Variants in CSMD1 observed in about 807,000 individuals in gnomAD.
The protein encoded by CSMD1 is CUB and sushi domain-containing protein 1.
CSMD1 carries 213 observed loss-of-function variants against 417.5 expected under a neutral mutation model. That is an observed-to-expected ratio of 0.51 (90% confidence interval 0.46 to 0.57). The LOEUF is 0.57. Ranked by LOEUF, CSMD1 falls within the 20% of genes least tolerant of loss-of-function variation. CSMD1 has a pLI of 0.00. For missense variants in CSMD1, 6,923 were observed against 4,529.7 expected (o/e 1.53, Z -15.17); for synonymous variants, 2,862 against 1,736.8 (o/e 1.65, Z -16.11).
chr8:3,741,237 A>C (rs1483103880), intron 6 of CSMD1, among the ~76,000 whole-genome samples: 1 of 150,772 alleles, frequency 6.6e-6, no homozygotes, highest in African/African-American at 2.4e-5. Context: ...AAAAAAAAAA[A>C]AAAACATACA....
At chr8:3,595,105 T>C (rs557204917) in intron 8 of CSMD1, among the ~76,000 whole-genome samples, 1 of 152,296 alleles carries the variant, frequency 6.6e-6, no homozygotes, top group East Asian at 1.9e-4. Context: ...CCGATTGTCC[T>C]ATAAGGGAGT....
intron 65 of CSMD1, among the ~76,000 whole-genome samples, chr8:2,951,791 C>G: frequency 6.6e-6 from 1 of 152,170 alleles, no homozygotes; most frequent in East Asian, 1.9e-4. Flanking sequence ...AGACAAAGCC[C>G]TTTCACTTCA....
At position 4,108,980 on chromosome 8, in the gene CSMD1, C is replaced by T. The variant is rs11787009; in HGVS notation, c.416-76881G>A. 9.9e-3 allele frequency among the ~76,000 whole-genome samples: 1,512 copies of T among 152,178 alleles called. 13 individuals carry two copies. The highest frequency in any genetic ancestry group is 0.031 in the Middle Eastern group (9 of 294). Reference sequence around the variant, plus strand: ...TATAATTTAGAAACTACAGTTTTTCCGAATTATCTGGAAAGGATTGGTTTC... The same window carrying T: ...TATAATTTAGAAACTACAGTTTTTCTGAATTATCTGGAAAGGATTGGTTTC... On this transcript the variant is annotated intron_variant, in intron 3 of 69. Coordinates refer to ENST00000635120, the MANE Select transcript of CSMD1 (RefSeq NM_033225.6).
intron 6 of CSMD1, among the ~76,000 whole-genome samples, chr8:3,732,153 G>A (rs1306436707): frequency 3.9e-5 from 6 of 152,216 alleles, no homozygotes; most frequent in Non-Finnish European, 8.8e-5. Flanking sequence ...GGCAAGCCCT[G>A]AGTTCAGGTC....
chr8:4,392,178 G>A (rs755298508), intron 3 of CSMD1, among the ~76,000 whole-genome samples: 2 of 152,180 alleles, frequency 1.3e-5, no homozygotes, highest in Non-Finnish European at 2.9e-5. Context: ...TTGTTTCAAC[G>A]TGCTAAGTCT....
chr8:4,214,946 G>A (rs1800546197), intron 3 of CSMD1, among the ~76,000 whole-genome samples: 2 of 152,018 alleles, frequency 1.3e-5, no homozygotes, highest in African/African-American at 4.8e-5. Context: ...GAGCACAAAC[G>A]AAGCTCACTT....
chr8:3,617,393 G>C (rs1159339274), intron 7 of CSMD1, among the ~76,000 whole-genome samples: 1 of 152,122 alleles, frequency 6.6e-6, no homozygotes, highest in Non-Finnish European at 1.5e-5. Context: ...GAACTCATTT[G>C]TTTATTGGAT....
At chr8:4,436,689 C>T (rs915929982) in intron 2 of CSMD1, among the ~76,000 whole-genome samples, 9 of 152,146 alleles carry the variant, frequency 5.9e-5, no homozygotes, top group Admixed American at 5.9e-4. Flanking sequence ...CCCTACACAG[C>T]TTCTGGTAAC....
intron 2 of CSMD1, among the ~76,000 whole-genome samples, chr8:4,426,658 A>C (rs914760542): frequency 1.2e-4 from 17 of 147,124 alleles, no homozygotes; most frequent in African/African-American, 4.2e-4. Flanking sequence ...TTCATATTTT[A>C]TAGTAATATT....
intron 3 of CSMD1, among the ~76,000 whole-genome samples, chr8:4,227,694 C>A (rs1331865029): frequency 6.6e-6 from 1 of 152,102 alleles, no homozygotes; most frequent in East Asian, 1.9e-4. Flanking sequence ...TACATTAAAC[C>A]CCACACCTGG....
At chr8:3,618,410 C>A (rs1802251790) in intron 7 of CSMD1, among the ~76,000 whole-genome samples, 6 of 152,102 alleles carry the variant, frequency 3.9e-5, no homozygotes, top group Admixed American at 3.9e-4. Flanking sequence ...TTAGTAAGTA[C>A]TTCACTATTC....
At chr8:4,927,152 G>T (rs1252985288) in intron 1 of CSMD1, among the ~76,000 whole-genome samples, 1 of 150,814 alleles carries the variant, frequency 6.6e-6, no homozygotes, top group African/African-American at 2.4e-5. Context: ...GTTGCACCAG[G>T]CTGGAGTGCA....
chr8:4,382,212 G>C (rs1158294856), intron 3 of CSMD1, among the ~76,000 whole-genome samples: 2 of 152,232 alleles, frequency 1.3e-5, no homozygotes, highest in African/African-American at 4.8e-5. Flanking sequence ...CCTTCAAATG[G>C]AAACTCAATT....
intron 4 of CSMD1, among the ~76,000 whole-genome samples, chr8:4,003,238 A>G (rs529904561): frequency 6.6e-6 from 1 of 152,158 alleles, no homozygotes; most frequent in Admixed American, 6.5e-5. Context: ...CTAAAAACAC[A>G]TAAAAGTAGC....
chr8:4,108,386 A>G (rs766502663), intron 3 of CSMD1, among the ~76,000 whole-genome samples: 15 of 151,998 alleles, frequency 9.9e-5, no homozygotes, highest in Admixed American at 3.3e-4. Flanking sequence ...ATCAAGAACT[A>G]CTCTCGACCA....
chr8:3,594,522 T>G (rs1389983499), intron 8 of CSMD1, among the ~76,000 whole-genome samples: 2 of 152,162 alleles, frequency 1.3e-5, no homozygotes, highest in African/African-American at 4.8e-5. Context: ...TAACTTGGTT[T>G]GTCCAGGAAT....
chr8:3,795,096 T>TCTATCATGTATAGCTATAGATAG (rs1563086970), intron 5 of CSMD1, among the ~76,000 whole-genome samples: 21 of 105,040 alleles, frequency 2.0e-4, no homozygotes, highest in South Asian at 3.2e-4. Flanking sequence ...TAGATATATA[T>TCTATCATGTATAGCTATAGATAG]CTATCATGTA....
chr8:4,949,997 G>A (rs1315271396), intron 1 of CSMD1, among the ~76,000 whole-genome samples: 7 of 152,004 alleles, frequency 4.6e-5, no homozygotes, highest in East Asian at 1.9e-4. Flanking sequence ...AATTGGTCAC[G>A]ACTATTGATT....
At chr8:4,161,445 C>G (rs555583657) in intron 3 of CSMD1, among the ~76,000 whole-genome samples, 129 of 152,158 alleles carry the variant, frequency 8.5e-4, no homozygotes, top group African/African-American at 2.9e-3. Flanking sequence ...AAAATTGAAA[C>G]TGGAATAAGT....
Sources: allele counts gnomAD v4.1 joint callset (sites outside exome capture counted in the v4.1 genomes callset), GRCh38; gene constraint gnomAD v4.1.1; transcripts MANE v1.5; gene names NCBI Gene and HGNC (gene_info 2026-07-23, HGNC 2026-07-21).